The following TTN variants were observed in gnomAD, a reference collection of about 807,000 sequenced individuals.
TTN encodes connectin.
In TTN, 1,525 loss-of-function variants were observed where a neutral mutation model predicts 3,223.0. The ratio of observed to expected loss-of-function variants is 0.47; its 90% CI spans 0.45 to 0.49. The LOEUF (loss-of-function observed/expected upper bound fraction) is 0.49. TTN is among the 20% of genes least tolerant of loss of function. The pLI, the probability that TTN is intolerant of heterozygous loss-of-function variation, is 0.00. For synonymous variants in TTN, 14,094 were observed against 15,161.0 expected (o/e 0.93, Z 5.17); for missense variants, 40,786 against 43,424.0 (o/e 0.94, Z 5.40).
At chr2:178,773,771 G>T (rs1373456464) in intron 31 of TTN, 46 bp from the exon 32 acceptor site, 23 of 1,613,898 alleles carry the variant, frequency 1.4e-5, no homozygotes, top group Non-Finnish European at 1.9e-5. Flanking sequence ...TGTTGAAATT[G>T]TCTGCTCCTT....
intron 344 of TTN, 128 bp downstream of exon 344, chr2:178,545,260 T>C (rs1261611682): frequency 2.5e-6 from 2 of 791,660 alleles, no homozygotes; most frequent in Non-Finnish European, 3.6e-6. Context: ...TTTATGATCA[T>C]GCAAATAAGC....
At chr2:178,541,115 A>T in intron 350 of TTN, 167 bp downstream of exon 350, 1 of 618,910 alleles carries the variant, frequency 1.6e-6, no homozygotes, top group Non-Finnish European at 2.4e-6. Context: ...ACAAACGGAC[A>T]CAAGGGAACT....
Position 178,654,300 on chromosome 2 carries a change from A to T in TTN, c.38297-9T>A, listed in dbSNP as rs199610136. ...TTTAGGAGCTTCAGGAACTTTGAAG[A>T]TATTAGTATCTTTTAGTTAGAAGCT... On this transcript the variant is annotated splice_polypyrimidine_tract_variant and intron_variant, in intron 192 of 362. Transcript: ENST00000589042. 801 of 1,595,736 alleles carry T rather than the reference A, an allele frequency of 5.0e-4. 37 individuals carry two copies. The highest frequency in any genetic ancestry group is 6.6e-4 in the Non-Finnish European group (774 of 1,177,050).
Position 178,698,916 on chromosome 2 carries a change from TAAAAAA to T in TTN, c.30683-8_30683-3del. The T allele has an allele frequency of 7.6e-7, 1 of 1,313,992 alleles. No individual in the cohort carries two copies. Among genetic ancestry groups the T allele is most frequent in the South Asian group, 1.6e-5 (1 of 63,810 alleles). 81.4% of individuals were successfully genotyped at this position (1,313,992 alleles called of 1,614,324 possible). A position where few individuals can be genotyped will look rare whatever the true frequency, so the allele number is the denominator to read the frequency against. On this transcript the variant is annotated splice_polypyrimidine_tract_variant and splice_region_variant and intron_variant, in intron 111 of 362. Coordinates refer to ENST00000589042, the MANE Select transcript of TTN (RefSeq NM_001267550.2). ...CTTTCTTCACAGCCTTTTTGGTAAC[TAAAAAA>T]AAAAAAAAAGAAAAAAAAAGAAAAA...
At chr2:178,791,975 A>T in intron 10 of TTN, 97 bp downstream of exon 10, 7 of 1,334,058 alleles carry the variant, frequency 5.2e-6, no homozygotes, top group Non-Finnish European at 7.3e-6. Context: ...ACAACCAAAG[A>T]CTTCTCCATT....
At chr2:178,676,460 T>G (rs2068086872) in intron 147 of TTN, among the ~76,000 whole-genome samples, 7 of 151,926 alleles carry the variant, frequency 4.6e-5, no homozygotes, top group Admixed American at 4.6e-4. Flanking sequence ...TAGAAAATAT[T>G]ATTGAGCTTT....
At chr2:178,613,599 T>A (rs576518489) in intron 263 of TTN, among the ~76,000 whole-genome samples, 152 bp downstream of exon 263, 4 of 152,092 alleles carry the variant, frequency 2.6e-5, no homozygotes, top group Admixed American at 2.6e-4. Context: ...ATTTATATAA[T>A]TTTTCAAATT....
At chr2:178,803,825 A>G (rs1052697750) in intron 2 of TTN, among the ~76,000 whole-genome samples, 2 of 152,070 alleles carry the variant, frequency 1.3e-5, no homozygotes, top group African/African-American at 4.8e-5. Context: ...ATTTTTTCAT[A>G]AGATGATACC....
Position 178,724,409 on chromosome 2 carries a change from G to C in TTN, c.20966C>G (p.Thr6989Ser), listed in dbSNP as rs1228987960. ...GCTAAATTTGTGTTTTTGGCTGCTG[G>C]TCAACAGCTTTCCATCCTTGTACCA... ...VEWYKDGKLL[T>S]SSQKHKFSFY... Residue 6989 changes from threonine (T) to serine (S), a missense_variant, in exon 72 of 363, where the codon ACC becomes AGC. Physicochemically the swap from Thr to Ser is moderately conservative, Grantham distance 58. Transcript: ENST00000589042. 1 of 1,613,394 alleles carries C rather than the reference G, an allele frequency of 6.2e-7. No homozygotes were observed. The highest frequency in any genetic ancestry group is 8.5e-7 in the Non-Finnish European group (1 of 1,179,590).
chr2:178,598,912 C>A lies in TTN; in HGVS notation c.56798G>T (p.Arg18933Ile). ...MKDTTSKRWK[R>I]VNRDPIKAMT... ...GGCTTTGATAGGATCTCGGTTAACTCTCTTCCATCTCTTTGAAGTGGTGTC... is the reference window on the plus strand; with the variant it reads ...GGCTTTGATAGGATCTCGGTTAACTATCTTCCATCTCTTTGAAGTGGTGTC... The change falls in exon 291 of 363, where the codon AGA (arginine) becomes ATA (isoleucine). Residue 18933 changes from arginine (R) to isoleucine (I), a missense_variant. Coordinates refer to ENST00000589042, the MANE Select transcript of TTN (RefSeq NM_001267550.2). 1 of 1,613,066 alleles carries A rather than the reference C, an allele frequency of 6.2e-7. No homozygotes were observed. The highest frequency in any genetic ancestry group is 8.5e-7 in the Non-Finnish European group (1 of 1,179,500).
chr2:178,771,128 A>C, intron 34 of TTN, 83 bp downstream of exon 34: 1 of 1,595,598 alleles, frequency 6.3e-7, no homozygotes, highest in Non-Finnish European at 8.6e-7. Context: ...TGGTATCCAA[A>C]ATGGCCATAT....
At chr2:178,618,918 T>C in intron 250 of TTN, 65 bp from the exon 251 acceptor site, 1 of 1,546,634 alleles carries the variant, frequency 6.5e-7, no homozygotes, top group Non-Finnish European at 8.7e-7. Context: ...CATCATGTTA[T>C]TATGCATTTA....
rs1022194199 is a variant in TTN at position 178,578,938 on chromosome 2, C to A, written c.68092G>T (p.Val22698Phe). ...GTTACTCTAAAGGTGGTTTTCTGGA[C>A]AGCTGAGGCGCACGTCACCCACTTG... Reference protein sequence around the residue: ...NNKWVTCASAVQKTTFRVTRL... With the variant: ...NNKWVTCASAFQKTTFRVTRL... The change falls in exon 320 of 363, where the codon GTC becomes TTC. Residue 22698 changes from valine to phenylalanine, a missense_variant. By Grantham distance (50) the Val-to-Phe change is conservative. Coordinates refer to ENST00000589042, the MANE Select transcript of TTN (RefSeq NM_001267550.2). 1.2e-6 allele frequency: 2 copies of A among 1,613,160 alleles called. No individual in the cohort carries two copies. The highest frequency in any genetic ancestry group is 1.7e-5 in the Admixed American group (1 of 59,950).
At position 178,609,669 on chromosome 2, in the gene TTN, T is replaced by A. The variant is rs754804333; in HGVS notation, c.51739+15A>T. On this transcript the variant is annotated intron_variant, in intron 272 of 362. Coordinates refer to ENST00000589042, the MANE Select transcript of TTN (RefSeq NM_001267550.2). Reference sequence around the variant, plus strand: ...TCAAAATGGGAAAGTGGCAACTCCATGAAACAAAACTTACCAATGGGATCT... The same window carrying A: ...TCAAAATGGGAAAGTGGCAACTCCAAGAAACAAAACTTACCAATGGGATCT... 1 of 1,562,124 alleles carries A rather than the reference T, an allele frequency of 6.4e-7. No individual in the cohort carries two copies. The highest frequency in any genetic ancestry group is 1.2e-5 in the South Asian group (1 of 81,574).
chr2:178,583,483 C>G (rs2048239584), intron 312 of TTN, 124 bp downstream of exon 312: 1 of 1,059,110 alleles, frequency 9.4e-7, no homozygotes. Context: ...ATGTTTGTGT[C>G]TATATACAAA....
rs1189766257 is a variant in TTN, at chr2:178,664,456, G to A, written c.36280+4C>T. ...CCACCATAAAAAGACAGTTAAGAAT[G>A]TACCTTTGACAGGTACAACTTCAGC... On this transcript the variant is annotated splice_donor_region_variant and intron_variant, in intron 168 of 362. Coordinates refer to ENST00000589042, the MANE Select transcript of TTN (RefSeq NM_001267550.2). The A allele has an allele frequency of 1.9e-6, 3 of 1,605,772 alleles. No individual in the cohort carries two copies. Among genetic ancestry groups the A allele is most frequent in the African/African-American group, 1.3e-5 (1 of 74,464 alleles).
chr2:178,751,440 T>C (rs778462528), intron 47 of TTN: 15 of 1,612,916 alleles, frequency 9.3e-6, no homozygotes, highest in Non-Finnish European at 1.3e-5. Context: ...ATAGTTCTCA[T>C]CATTCCCTTT....
Position 178,549,873 on chromosome 2 carries a change from T to C in TTN, c.91853-4A>G, listed in dbSNP as rs1465593539. ...CCAACTACTTTTCCTGGTGTATCTA[T>C]AAGAAAAAGTTTCTAGAGTTAGTTT... On this transcript the variant is annotated splice_region_variant and splice_polypyrimidine_tract_variant and intron_variant, in intron 337 of 362. Coordinates refer to ENST00000589042, the MANE Select transcript of TTN (RefSeq NM_001267550.2). 3.2e-6 allele frequency: 5 copies of C among 1,546,608 alleles called. No homozygotes were observed. Among genetic ancestry groups the C allele is most frequent in the African/African-American group, 1.4e-5 (1 of 72,228 alleles).
chr2:178,602,406 A>T lies in TTN; in HGVS notation c.54996T>A (p.Cys18332Ter). The T allele has an allele frequency of 6.2e-7, 1 of 1,612,744 alleles. No individual in the cohort carries two copies. The highest frequency in any genetic ancestry group is 1.3e-5 in the African/African-American group (1 of 74,950). ...VNEPDKLITT[C>*]ECVVPNLKEL... ...CTTTCAGATTAGGCACCACACATTC[A>T]CAGGTAGTTATAAGTTTGTCTGGTT... is the stretch of plus-strand genomic sequence containing the variant. The change falls in exon 283 of 363, where the codon TGT becomes TGA. Residue 18332 changes from cysteine to a stop codon, truncating the protein, a stop_gained. Transcript: ENST00000589042. LOFTEE classifies it high-confidence loss of function.
Sources: allele counts gnomAD v4.1 joint callset (sites outside exome capture counted in the v4.1 genomes callset), GRCh38; gene constraint gnomAD v4.1.1; transcripts MANE v1.5; gene names NCBI Gene and HGNC (gene_info 2026-07-23, HGNC 2026-07-21).